MBNL3: variants seen among roughly 807,000 people sequenced by gnomAD.
MBNL3 encodes the protein muscleblind-like protein 3.
MBNL3 carries 6 observed loss-of-function variants against 24.5 expected under a neutral mutation model. The observed-to-expected ratio is 0.25, with a 90% CI of 0.13 to 0.48. MBNL3 has a LOEUF of 0.48. MBNL3 is among the 20% of genes least tolerant of loss of function. The pLI, the probability that MBNL3 is intolerant of heterozygous loss-of-function variation, is 0.99. For synonymous variants in MBNL3, 100 were observed against 101.7 expected (o/e 0.98, Z 0.10); for missense variants, 230 against 293.5 (o/e 0.78, Z 1.58).
At chrX:132,456,033 AC>A (rs925655049) in intron 1 of MBNL3, among the ~76,000 whole-genome samples, 2 of 111,782 alleles carry the variant, frequency 1.8e-5, no homozygotes, top group East Asian at 5.6e-4. Context: ...GATCCTCTCT[AC>A]TTTCTAAAAC....
At chrX:132,406,055 A>T (rs2148278355) in intron 3 of MBNL3, among the ~76,000 whole-genome samples, 173 bp downstream of exon 3, 1 of 111,207 alleles carries the variant, frequency 9.0e-6, no homozygotes, top group African/African-American at 3.3e-5. Flanking sequence ...TCATGCAGCC[A>T]GGTTTTCAGT....
chrX:132,441,109 T>C (rs1170544157), intron 1 of MBNL3, among the ~76,000 whole-genome samples: 2 of 112,561 alleles, frequency 1.8e-5, no homozygotes, highest in African/African-American at 6.5e-5. Context: ...CAAGCTTATC[T>C]ACTCAAGAGC....
intron 2 of MBNL3, among the ~76,000 whole-genome samples, chrX:132,423,894 C>A (rs898020960): frequency 9.0e-6 from 1 of 111,564 alleles, no homozygotes; most frequent in Non-Finnish European, 1.9e-5. Context: ...ATAATAAATG[C>A]AGAAATGGAA....
At chrX:132,448,976 C>A (rs1945893747) in intron 1 of MBNL3, among the ~76,000 whole-genome samples, 1 of 112,028 alleles carries the variant, frequency 8.9e-6, no homozygotes. Context: ...ATCCTGAGTT[C>A]TCATTTGATT....
intron 1 of MBNL3, among the ~76,000 whole-genome samples, chrX:132,445,749 A>G (rs1945674720): frequency 8.9e-6 from 1 of 111,748 alleles, no homozygotes; most frequent in Admixed American, 9.5e-5. Context: ...CCATTTTTAA[A>G]TAGTACAAGA....
At chrX:132,465,021 G>T (rs1347008538) in intron 1 of MBNL3, among the ~76,000 whole-genome samples, 3 of 111,292 alleles carry the variant, frequency 2.7e-5, no homozygotes, top group Non-Finnish European at 5.7e-5. Flanking sequence ...CTACAGCTTG[G>T]GTGACAGAGC....
intron 3 of MBNL3, among the ~76,000 whole-genome samples, chrX:132,399,153 A>C (rs73556164): frequency 1.8e-3 from 203 of 111,838 alleles, no homozygotes; most frequent in African/African-American, 6.4e-3. Context: ...CAATTTAAAA[A>C]TCAGAGTGCA....
At chrX:132,426,437 C>T (rs1944310881) in intron 2 of MBNL3, among the ~76,000 whole-genome samples, 1 of 111,545 alleles carries the variant, frequency 9.0e-6, no homozygotes, top group African/African-American at 3.3e-5. Flanking sequence ...ACCTTCAATA[C>T]TTCAACAACT....
chrX:132,441,018 C>A (rs1945364096), intron 1 of MBNL3, among the ~76,000 whole-genome samples: 1 of 112,314 alleles, frequency 8.9e-6, no homozygotes, highest in Admixed American at 9.4e-5. Context: ...TTCTCTTTGT[C>A]TTTTCCATAT....
chrX:132,414,513 G>A (rs762875568), intron 2 of MBNL3, among the ~76,000 whole-genome samples: 10 of 111,598 alleles, frequency 9.0e-5, no homozygotes, highest in African/African-American at 2.9e-4. Context: ...CTGGTCAATC[G>A]GGTATAAGAA....
At chrX:132,419,302 T>C (rs144104400) in intron 2 of MBNL3, among the ~76,000 whole-genome samples, 425 of 111,386 alleles carry the variant, frequency 3.8e-3, no homozygotes, top group African/African-American at 0.013. Flanking sequence ...CCCATGGAGA[T>C]TGAGAACCGA....
In MBNL3 at chrX:132,413,250, C is replaced by G. The variant is rs186904560; in HGVS notation, c.178-6858G>C. Among the ~76,000 whole-genome samples the G allele has an allele frequency of 1.5e-4, 17 of 111,682 alleles. No individual in the cohort carries two copies. The East Asian group carries it at 4.8e-3, about 31-fold the overall frequency. ...GTACCAGCTGCTTGCCCCCTTTATT[C>G]CCCAGCTAGGGCTTCTGCTTAGGAT... On this transcript the variant is annotated intron_variant, in intron 2 of 8. Coordinates refer to ENST00000370853, the MANE Select transcript of MBNL3 (RefSeq NM_001386889.1).
chrX:132,415,797 T>C (rs1377593776), intron 2 of MBNL3, among the ~76,000 whole-genome samples: 1 of 111,968 alleles, frequency 8.9e-6, no homozygotes, highest in Non-Finnish European at 1.9e-5. Context: ...AAGTTTTTAC[T>C]TGGTGACATG....
At chrX:132,395,962 C>T (rs1039574045) in intron 3 of MBNL3, among the ~76,000 whole-genome samples, 1 of 110,617 alleles carries the variant, frequency 9.0e-6, no homozygotes, top group Non-Finnish European at 1.9e-5. Context: ...CCAAATTCAG[C>T]CTGCCTGTGT....
intron 2 of MBNL3, among the ~76,000 whole-genome samples, chrX:132,426,472 A>G (rs980240557): frequency 1.8e-5 from 2 of 111,382 alleles, no homozygotes; most frequent in African/African-American, 6.5e-5. Flanking sequence ...TCCTCTTGCC[A>G]GTCTCTTTTT....
chrX:132,471,914 T>C (rs761613693), intron 1 of MBNL3, among the ~76,000 whole-genome samples: 1 of 112,167 alleles, frequency 8.9e-6, no homozygotes, highest in South Asian at 3.7e-4. Context: ...TCTAATATAT[T>C]TTGTTGCTGA....
rs1934962417 is a variant in MBNL3 at position 132,381,564 on chromosome X, T to A, written c.1053+614A>T. 1.2e-5 allele frequency: 4 copies of A among 329,618 alleles called. No homozygotes were observed. In the Admixed American group the frequency reaches 1.6e-4, roughly 13 times the overall value. 27.2% of individuals were successfully genotyped at this position (329,618 alleles called of 1,213,427 possible). ...ATAAGGCAAAATGGCCCTAATACTA[T>A]ACAATAATTATTGTATGTATCTCCT... On this transcript the variant is annotated intron_variant, in intron 8 of 8. Transcript: ENST00000370853.
chrX:132,428,178 T>C (rs1057456662), intron 2 of MBNL3, among the ~76,000 whole-genome samples: 7 of 111,629 alleles, frequency 6.3e-5, no homozygotes, highest in African/African-American at 2.3e-4. Context: ...TATAGCCATA[T>C]CTACTTAACT....
intron 3 of MBNL3, among the ~76,000 whole-genome samples, chrX:132,399,678 A>T (rs1373226445): frequency 1.8e-5 from 2 of 110,134 alleles, no homozygotes; most frequent in African/African-American, 6.6e-5. Flanking sequence ...AGATGATTAC[A>T]GGATATTAAG....
Sources: allele counts gnomAD v4.1 joint callset (sites outside exome capture counted in the v4.1 genomes callset), GRCh38; gene constraint gnomAD v4.1.1; transcripts MANE v1.5; gene names NCBI Gene and HGNC (gene_info 2026-07-23, HGNC 2026-07-21).